Variants in ARHGEF6 observed in about 807,000 individuals in gnomAD.
ARHGEF6 encodes Rac/Cdc42 guanine nucleotide exchange factor 6.
In ARHGEF6, 9 loss-of-function variants were observed where a neutral mutation model predicts 70.3. That is an observed-to-expected ratio of 0.13 (90% confidence interval 0.08 to 0.22). ARHGEF6 has a LOEUF of 0.22. ARHGEF6 is among the 10% of genes least tolerant of loss of function. ARHGEF6 has a pLI of 1.00. For missense variants in ARHGEF6, 470 were observed against 563.0 expected, an observed-to-expected ratio of 0.83 and a Z score of 1.67; for synonymous variants, 201 against 207.8, an observed-to-expected ratio of 0.97 and a Z score of 0.28.
rs151300384 is a variant in ARHGEF6 at position 136,708,829 on chromosome X, G to T, written c.828-59C>A. The T allele has an allele frequency of 3.1e-3, 2,761 of 882,593 alleles. 37 individuals carry two copies. The African/African-American group carries it at 0.043, about 14-fold the overall frequency. The allele number at this position is 882,593 out of a possible 1,213,427, so 72.7% of individuals were successfully genotyped here. ...TTGTAGTCTAGTTGGCTAATAGTTTGCTAATATATGGTAAATAAAAGGGAG... is the reference window on the plus strand; with the variant it reads ...TTGTAGTCTAGTTGGCTAATAGTTTTCTAATATATGGTAAATAAAAGGGAG... On this transcript the variant is annotated intron_variant, in intron 7 of 21. Coordinates refer to ENST00000250617, the MANE Select transcript of ARHGEF6 (RefSeq NM_004840.3).
chrX:136,673,216 C>T (rs1288678477), intron 19 of ARHGEF6, among the ~76,000 whole-genome samples: 1 of 112,177 alleles, frequency 8.9e-6, no homozygotes, highest in Admixed American at 9.4e-5. Context: ...CACCATTTTA[C>T]ATCAGGGACT....
At chrX:136,724,459 T>A (rs1389607268) in intron 6 of ARHGEF6, among the ~76,000 whole-genome samples, 2 of 111,308 alleles carry the variant, frequency 1.8e-5, no homozygotes, top group Non-Finnish European at 1.9e-5. Context: ...TTTTTTAAAT[T>A]TTTTTAATTA....
chrX:136,726,963 G>A (rs1028333050), intron 6 of ARHGEF6, among the ~76,000 whole-genome samples: 3 of 112,533 alleles, frequency 2.7e-5, no homozygotes, highest in Admixed American at 9.4e-5. Flanking sequence ...GAAGAAGAGC[G>A]TGCAGTCCAC....
intron 21 of ARHGEF6, 134 bp from the exon 22 acceptor site, chrX:136,668,303 A>G (rs1296072684): frequency 1.3e-6 from 1 of 778,783 alleles, no homozygotes; most frequent in East Asian, 3.2e-5. Context: ...AGCATCTATG[A>G]CAAAGCAGCC....
In ARHGEF6 at chrX:136,690,710, G is replaced by A. The variant is rs369636192; in HGVS notation, c.1085C>T (p.Ser362Leu). ...LEQFMENQGA[S>L]SPGILILTTN... The stretch of plus-strand genomic sequence containing the variant: ...TGTTAAAATGAGGATACCTGGGCTC[G>A]ATGCACCTTGATTTTCCATGAATTG... Residue 362 changes from serine (S) to leucine (L), a missense_variant, in exon 10 of 22, where the codon TCG (serine) becomes TTG (leucine). This residue lies in a region of ARHGEF6 where 379 missense variants were observed against 449.3 expected (regional missense o/e 0.84). Coordinates refer to ENST00000250617, the MANE Select transcript of ARHGEF6 (RefSeq NM_004840.3). 1.1e-5 allele frequency: 13 copies of A among 1,208,496 alleles called. No homozygotes were observed. Among genetic ancestry groups the A allele is most frequent in the African/African-American group, 7.0e-5 (4 of 56,991 alleles).
rs2148566030 is a variant in ARHGEF6, at chrX:136,672,007, C to T, written c.2135+13G>A. 1 of 1,192,337 alleles carries T rather than the reference C, an allele frequency of 8.4e-7. No individual in the cohort carries two copies. Among genetic ancestry groups the T allele is most frequent in the Non-Finnish European group, 1.1e-6 (1 of 877,753 alleles). ...CAAGAGAAACTAGGCAAGGTTTTGC[C>T]TGCTCTACTCACTTTTCTTCCATGA... is the stretch of plus-strand genomic sequence containing the variant. On this transcript the variant is annotated intron_variant, in intron 20 of 21. Coordinates refer to ENST00000250617, the MANE Select transcript of ARHGEF6 (RefSeq NM_004840.3).
chrX:136,749,237 G>C (rs2077126991), intron 2 of ARHGEF6, among the ~76,000 whole-genome samples: 1 of 112,012 alleles, frequency 8.9e-6, no homozygotes, highest in Non-Finnish European at 1.9e-5. Context: ...CAATAGACTA[G>C]AGAGAGTGTC....
At chrX:136,707,249 C>G (rs932705637) in intron 8 of ARHGEF6, among the ~76,000 whole-genome samples, 1 of 112,168 alleles carries the variant, frequency 8.9e-6, no homozygotes, top group African/African-American at 3.2e-5. Flanking sequence ...GGGTCAGATA[C>G]TTACTTGGAA....
chrX:136,696,395 T>C (rs752846191), intron 9 of ARHGEF6, among the ~76,000 whole-genome samples: 3 of 111,126 alleles, frequency 2.7e-5, no homozygotes, highest in African/African-American at 9.8e-5. Context: ...GGAGGATCAC[T>C]TAAGCCCAGG....
chrX:136,719,445 A>G (rs1000666561), intron 6 of ARHGEF6, among the ~76,000 whole-genome samples: 28 of 112,208 alleles, frequency 2.5e-4, no homozygotes, highest in Non-Finnish European at 4.7e-4. Flanking sequence ...GAAATTTTAA[A>G]ATATTTTGAA....
chrX:136,716,385 C>T (rs774570517), intron 6 of ARHGEF6, among the ~76,000 whole-genome samples: 31 of 111,900 alleles, frequency 2.8e-4, no homozygotes, highest in African/African-American at 7.5e-4. Context: ...CCCACCTAAG[C>T]GGGAGAACTA....
chrX:136,674,395 C>A (rs1229109573), intron 19 of ARHGEF6, among the ~76,000 whole-genome samples: 1 of 112,429 alleles, frequency 8.9e-6, no homozygotes, highest in Non-Finnish European at 1.9e-5. Context: ...TTTTTAAAAG[C>A]ATAAAGATGA....
In ARHGEF6 at chrX:136,713,351, T is replaced by C. The variant is rs1337805384; in HGVS notation, c.752A>G (p.Asp251Gly). The change falls in exon 7 of 22, where the codon GAC (aspartate) becomes GGC (glycine). Residue 251 changes from aspartate (D) to glycine (G), a missense_variant. By Grantham distance (94) the Asp-to-Gly change is moderately conservative. Coordinates refer to ENST00000250617, the MANE Select transcript of ARHGEF6 (RefSeq NM_004840.3). The part of the protein sequence containing the change: ...YYTVVLQNIL[D>G]TEKEYAKELQ... ...TTCTTTAGCATATTCTTTTTCAGTG[T>C]CCAGGATGTTCTGTAACACCTATGG... The C allele has an allele frequency of 1.7e-6, 2 of 1,201,915 alleles. No homozygotes were observed. Among genetic ancestry groups the C allele is most frequent in the Non-Finnish European group, 2.3e-6 (2 of 888,699 alleles).
Position 136,712,074 on chromosome X carries a change from T to C in ARHGEF6, c.827+1202A>G, listed in dbSNP as rs138841676. 1.9e-3 allele frequency among the ~76,000 whole-genome samples: 215 copies of C among 112,147 alleles called. 2 individuals are homozygous for C. Among genetic ancestry groups the C allele is most frequent in the African/African-American group, 6.7e-3 (207 of 30,883 alleles). ...TCTCACAATATTTTTTCTTTTCTTT[T>C]TCTTTTGTTTGCTTGGTTTTGTTGT... is the stretch of plus-strand genomic sequence containing the variant. On this transcript the variant is annotated intron_variant, in intron 7 of 21. Coordinates refer to ENST00000250617, the MANE Select transcript of ARHGEF6 (RefSeq NM_004840.3).
At chrX:136,671,955 C>T (rs12559068) in intron 20 of ARHGEF6, 65 bp downstream of exon 20, 5 of 928,731 alleles carry the variant, frequency 5.4e-6, no homozygotes, top group African/African-American at 1.9e-5. Flanking sequence ...AGGAGCTCCC[C>T]GTCCTACCAG....
At chrX:136,694,604 G>C (rs1372644303) in intron 9 of ARHGEF6, among the ~76,000 whole-genome samples, 1 of 111,671 alleles carries the variant, frequency 9.0e-6, no homozygotes, top group Non-Finnish European at 1.9e-5. Flanking sequence ...ATCTGTCTTA[G>C]CACCAACTCC....
intron 6 of ARHGEF6, among the ~76,000 whole-genome samples, chrX:136,727,381 CTT>C (rs1569410959): frequency 6.9e-5 from 5 of 72,668 alleles, no homozygotes; most frequent in Admixed American, 1.6e-4. Context: ...TTCTTTCTTT[CTT>C]TCTTTCTTTC....
intron 6 of ARHGEF6, among the ~76,000 whole-genome samples, chrX:136,723,690 G>A (rs746373902): frequency 3.0e-4 from 33 of 111,306 alleles, no homozygotes; most frequent in African/African-American, 8.8e-4. Context: ...TTGGGAGGCC[G>A]AGGCAGGCAG....
intron 6 of ARHGEF6, among the ~76,000 whole-genome samples, chrX:136,728,999 ATTCTCTCTCTCTCT>A (rs2076899569): frequency 2.4e-5 from 1 of 41,522 alleles, no homozygotes; most frequent in African/African-American, 1.0e-4. Flanking sequence ...TTCCTTATTC[ATTCTCTCTCTCTCT>A]CTCTCTCTCT....
Sources: allele counts gnomAD v4.1 joint callset (sites outside exome capture counted in the v4.1 genomes callset), GRCh38; gene constraint gnomAD v4.1.1; regional missense constraint gnomAD v4.1.1; transcripts MANE v1.5; gene names NCBI Gene and HGNC (gene_info 2026-07-23, HGNC 2026-07-21).